The following HOMER2 variants were observed in gnomAD, a reference collection of about 807,000 sequenced individuals.
The protein encoded by HOMER2 is homer scaffold protein 2.
Under a neutral mutation model 47.0 loss-of-function variants are expected in HOMER2, and 27 were observed. The observed-to-expected ratio is 0.57, with a 90% confidence interval of 0.42 to 0.79. The LOEUF (loss-of-function observed/expected upper bound fraction) is 0.79, where lower values mean the gene tolerates loss of function less well. Among genes scored for constraint, HOMER2 ranks in the 30% least tolerant of loss-of-function variants. The probability of loss-of-function intolerance (pLI) is 0.00; values close to 1 mark genes in which losing one functional copy is unlikely to be tolerated. For synonymous variants in HOMER2, 161 were observed against 163.8 expected (o/e 0.98, Z 0.13); for missense variants, 443 against 435.0 (o/e 1.02, Z -0.16).
chr15:82,860,833 A>C (rs2051747914), intron 4 of HOMER2, among the ~76,000 whole-genome samples: 1 of 151,974 alleles, frequency 6.6e-6, no homozygotes, highest in Non-Finnish European at 1.5e-5. Flanking sequence ...GCTAATGGGG[A>C]AGCTGAGGCA....
intron 1 of HOMER2, among the ~76,000 whole-genome samples, chr15:82,964,390 G>A (rs2054655932): frequency 6.6e-6 from 1 of 152,210 alleles, no homozygotes; most frequent in East Asian, 1.9e-4. Context: ...AGAGTCAGAT[G>A]TTTTAATTAA....
At chr15:82,914,370 T>A in intron 1 of HOMER2, among the ~76,000 whole-genome samples, 2 of 132,548 alleles carry the variant, frequency 1.5e-5, no homozygotes, top group South Asian at 2.4e-4. Context: ...AGAGTGAGAC[T>A]CCATCTTTAA....
At chr15:82,856,487 C>T (rs897464632) in intron 5 of HOMER2, among the ~76,000 whole-genome samples, 2 of 152,040 alleles carry the variant, frequency 1.3e-5, no homozygotes, top group Admixed American at 1.3e-4. Context: ...GGTGTGGTAG[C>T]GTGCACCTGT....
At chr15:82,881,885 C>T (rs1386932240) in intron 2 of HOMER2, among the ~76,000 whole-genome samples, 1 of 152,152 alleles carries the variant, frequency 6.6e-6, no homozygotes, top group Non-Finnish European at 1.5e-5. Flanking sequence ...GCAGAGTCAT[C>T]CAGAGCTCCC....
At chr15:82,908,205 T>A (rs547372473) in intron 1 of HOMER2, among the ~76,000 whole-genome samples, 2 of 152,258 alleles carry the variant, frequency 1.3e-5, no homozygotes, top group Non-Finnish European at 2.9e-5. Context: ...AAGTCTCTGA[T>A]TACAGTAGAA....
chr15:82,873,842 G>C (rs1305643385), intron 3 of HOMER2, among the ~76,000 whole-genome samples: 1 of 152,194 alleles, frequency 6.6e-6, no homozygotes, highest in East Asian at 1.9e-4. Flanking sequence ...TTTGTGACTG[G>C]GTATGGGATG....
chr15:82,892,658 T>C, intron 2 of HOMER2, 27 bp downstream of exon 2: 10 of 1,462,194 alleles, frequency 6.8e-6, no homozygotes, highest in Non-Finnish European at 8.3e-6. Flanking sequence ...CAACTGGGAG[T>C]ATTAAAATCA....
At chr15:82,924,014 G>A (rs1434316638) in intron 1 of HOMER2, among the ~76,000 whole-genome samples, 10 of 152,174 alleles carry the variant, frequency 6.6e-5, no homozygotes, top group African/African-American at 1.7e-4. Context: ...AGAGAGAGGC[G>A]TGCAGACATA....
chr15:82,949,155 G>A (rs555946403), intron 1 of HOMER2, among the ~76,000 whole-genome samples: 2 of 152,192 alleles, frequency 1.3e-5, no homozygotes, highest in African/African-American at 2.4e-5. Flanking sequence ...GGTGAGAGCT[G>A]GAAGGCATAT....
chr15:82,859,229 G>A, intron 4 of HOMER2, 94 bp from the exon 5 acceptor site: 1 of 1,584,954 alleles, frequency 6.3e-7, no homozygotes, highest in Non-Finnish European at 8.6e-7. Flanking sequence ...AGCAAGTTAG[G>A]CATAATAAGA....
At chr15:82,942,048 C>T (rs1003657317) in intron 1 of HOMER2, among the ~76,000 whole-genome samples, 1 of 152,220 alleles carries the variant, frequency 6.6e-6, no homozygotes, top group Non-Finnish European at 1.5e-5. Flanking sequence ...CCTAAATGCC[C>T]TGTTCCTCAT....
At chr15:82,937,502 G>A (rs958753634) in intron 1 of HOMER2, among the ~76,000 whole-genome samples, 7 of 152,024 alleles carry the variant, frequency 4.6e-5, no homozygotes, top group Admixed American at 2.0e-4. Context: ...TGCCCTCCAG[G>A]TCAGCACATT....
chr15:82,929,182 C>T (rs538078906), intron 1 of HOMER2, among the ~76,000 whole-genome samples: 30 of 152,104 alleles, frequency 2.0e-4, no homozygotes, highest in African/African-American at 6.5e-4. Flanking sequence ...ATTCCTACCA[C>T]GTAATCTGAA....
intron 3 of HOMER2, among the ~76,000 whole-genome samples, chr15:82,865,864 C>T (rs968306217): frequency 6.6e-6 from 1 of 152,188 alleles, no homozygotes; most frequent in Non-Finnish European, 1.5e-5. Context: ...GCCTAGATTT[C>T]AGAGGATGTA....
chr15:82,841,280 C>G (rs1026476392), exon 2 of HOMER2: 1 of 152,080 alleles, frequency 6.6e-6, no homozygotes, highest in Non-Finnish European at 1.5e-5. Flanking sequence ...TGTAGAAATG[C>G]AGAGATGTCT....
At chr15:82,839,859 A>C (rs1278678765) in exon 2 of HOMER2, 1 of 152,142 alleles carries the variant, frequency 6.6e-6, no homozygotes, top group Non-Finnish European at 1.5e-5. Flanking sequence ...TTTCCTGGAG[A>C]TATGTATTAA....
At chr15:82,842,921 G>T (rs1046184617) in exon 2 of HOMER2, 1 of 151,824 alleles carries the variant, frequency 6.6e-6, no homozygotes, top group Admixed American at 6.6e-5. Context: ...TTAGAGACAG[G>T]GTCTTGCTCT....
At chr15:82,942,598 T>C (rs1168321000) in intron 1 of HOMER2, among the ~76,000 whole-genome samples, 1 of 152,190 alleles carries the variant, frequency 6.6e-6, no homozygotes, top group Non-Finnish European at 1.5e-5. Context: ...AGGTCACTGC[T>C]GAATGAATGA....
At chr15:82,842,107 T>A (rs1050771906) in exon 2 of HOMER2, 2 of 152,078 alleles carry the variant, frequency 1.3e-5, no homozygotes, top group Non-Finnish European at 2.9e-5. Flanking sequence ...AGTAGTAGGA[T>A]CTCATTTACA....
Sources: gnomAD v4.1 joint callset for allele counts (sites outside exome capture counted in the v4.1 genomes callset) on GRCh38, gnomAD v4.1.1 for gene constraint, MANE v1.5 for transcripts, NCBI Gene and HGNC (gene_info 2026-07-23, HGNC 2026-07-21) for gene names.